Variants in IGSF21 observed in about 807,000 individuals in gnomAD.
IGSF21 encodes immunoglobin superfamily member 21, also known as immunoglobulin superfamily member 21.
Under a neutral mutation model 46.8 loss-of-function variants are expected in IGSF21, and 28 were observed. The ratio of observed to expected loss-of-function variants is 0.60; its 90% CI spans 0.44 to 0.82. The LOEUF (loss-of-function observed/expected upper bound fraction) is 0.82, where lower values mean the gene tolerates loss of function less well. Among genes scored for constraint, IGSF21 ranks in the 40% least tolerant of loss-of-function variants. The pLI, the probability that IGSF21 is intolerant of heterozygous loss-of-function variation, is 0.00. For synonymous variants in IGSF21, 284 were observed against 273.6 expected (o/e 1.04, Z -0.38); for missense variants, 624 against 665.5 (o/e 0.94, Z 0.69).
intron 2 of IGSF21, among the ~76,000 whole-genome samples, chr1:18,281,366 C>T (rs2085158639): frequency 6.6e-6 from 1 of 151,888 alleles, no homozygotes; most frequent in Admixed American, 6.6e-5. Context: ...TCGAGACCAG[C>T]CTGGCCAACA....
At chr1:18,308,072 C>T (rs911052655) in intron 3 of IGSF21, among the ~76,000 whole-genome samples, 2 of 152,178 alleles carry the variant, frequency 1.3e-5, no homozygotes, top group Non-Finnish European at 2.9e-5. Context: ...CTCTCTCTTC[C>T]ATGGTTTGGT....
intron 1 of IGSF21, among the ~76,000 whole-genome samples, chr1:18,225,855 G>T (rs2084561392): frequency 6.6e-6 from 1 of 152,238 alleles, no homozygotes; most frequent in South Asian, 2.1e-4. Flanking sequence ...GGCTGTAATA[G>T]CGTGGTGGTT....
At chr1:18,287,809 A>G (rs2124562075) in intron 2 of IGSF21, among the ~76,000 whole-genome samples, 1 of 151,844 alleles carries the variant, frequency 6.6e-6, no homozygotes, top group East Asian at 1.9e-4. Flanking sequence ...TATAGACACA[A>G]CCCAGCCTTC....
intron 2 of IGSF21, among the ~76,000 whole-genome samples, chr1:18,273,419 CCTTTCCTT>C (rs2085065008): frequency 1.4e-5 from 2 of 140,018 alleles, no homozygotes; most frequent in African/African-American, 5.5e-5. Flanking sequence ...CCTTTCTTTT[CCTTTCCTT>C]TCCTTTCTTT....
At chr1:18,273,462 C>CTCTCTCTTTCTTTCTTTCTTTCTTTCTT (rs767013694) in intron 2 of IGSF21, among the ~76,000 whole-genome samples, 1 of 61,954 alleles carries the variant, frequency 1.6e-5, no homozygotes, top group Non-Finnish European at 2.9e-5. Context: ...TTCTTTCTCT[C>CTCTCTCTTTCTTTCTTTCTTTCTTTCTT]TCTTTCTTTC....
At chr1:18,367,608 T>TTTTTTTTTTTTTG (rs2086180429) in intron 6 of IGSF21, among the ~76,000 whole-genome samples, 1 of 130,976 alleles carries the variant, frequency 7.6e-6, no homozygotes, top group Non-Finnish European at 1.7e-5. Context: ...TCTCTCTTTT[T>TTTTTTTTTTTTTG]TTTTTTTTTT....
At chr1:18,267,615 A>G (rs1450504086) in intron 2 of IGSF21, among the ~76,000 whole-genome samples, 1 of 152,222 alleles carries the variant, frequency 6.6e-6, no homozygotes, top group Non-Finnish European at 1.5e-5. Context: ...GCATGGAGGA[A>G]GCGGGAGAAG....
At chr1:18,345,191 C>G (rs1166762399) in intron 4 of IGSF21, among the ~76,000 whole-genome samples, 1 of 152,178 alleles carries the variant, frequency 6.6e-6, no homozygotes, top group Non-Finnish European at 1.5e-5. Context: ...CCAGCCCCTC[C>G]AAACTAGAAA....
intron 5 of IGSF21, among the ~76,000 whole-genome samples, chr1:18,363,167 C>T (rs143268790): frequency 1.1e-3 from 166 of 152,284 alleles, no homozygotes; most frequent in African/African-American, 3.5e-3. Context: ...GGCTACGTAC[C>T]CTTTCAATTT....
chr1:18,315,835 G>C (rs61760792), intron 3 of IGSF21, among the ~76,000 whole-genome samples: 1 of 65,580 alleles, frequency 1.5e-5, no homozygotes, highest in Admixed American at 1.6e-4. Context: ...GGCTAGATAG[G>C]TAGATGGGGG....
rs555659083 is a variant in IGSF21 at position 18,124,813 on chromosome 1, C to T, written c.70+16615C>T. 9.8e-5 allele frequency among the ~76,000 whole-genome samples: 15 copies of T among 152,338 alleles called. No homozygotes were observed. In the East Asian group the frequency reaches 2.5e-3, roughly 25 times the overall value. ...TAAAATTTAAAGGGCTTTACTTAAACAATGTTATTTCCCTCGGAAAGGAGA... is the reference window on the plus strand; with the variant it reads ...TAAAATTTAAAGGGCTTTACTTAAATAATGTTATTTCCCTCGGAAAGGAGA... On this transcript the variant is annotated intron_variant, in intron 1 of 9. Coordinates refer to ENST00000251296, the MANE Select transcript of IGSF21 (RefSeq NM_032880.5).
intron 1 of IGSF21, among the ~76,000 whole-genome samples, chr1:18,217,323 G>A (rs991212660): frequency 2.0e-5 from 3 of 152,228 alleles, no homozygotes; most frequent in Non-Finnish European, 4.4e-5. Flanking sequence ...GATGACCCAT[G>A]TTGCTTTTCA....
chr1:18,338,560 G>A (rs2085795610), intron 4 of IGSF21, among the ~76,000 whole-genome samples: 1 of 152,168 alleles, frequency 6.6e-6, no homozygotes, highest in African/African-American at 2.4e-5. Flanking sequence ...TCAAAGCACA[G>A]AGCAGTTCCA....
Position 18,318,699 on chromosome 1 carries a change from G to A in IGSF21, c.306-16193G>A, listed in dbSNP as rs573181468. On this transcript the variant is annotated intron_variant, in intron 3 of 9. Coordinates refer to ENST00000251296, the MANE Select transcript of IGSF21 (RefSeq NM_032880.5). ...CTCCTTTGGGGCCCTTTCCTCACCA[G>A]ACCTTGCTTACAAACCAGGGACTCA... 7.9e-5 allele frequency among the ~76,000 whole-genome samples: 12 copies of A among 152,184 alleles called. No homozygotes were observed. In the South Asian group the frequency reaches 1.9e-3, roughly 24 times the overall value.
chr1:18,233,002 C>A (rs1336711469), intron 2 of IGSF21, among the ~76,000 whole-genome samples: 1 of 152,156 alleles, frequency 6.6e-6, no homozygotes, highest in Non-Finnish European at 1.5e-5. Flanking sequence ...GGCCGCCTGC[C>A]CAGCAGGCAA....
rs2085747597 is a variant in IGSF21, at chr1:18,334,618, T to G, written c.306-274T>G. Among the ~76,000 whole-genome samples, 1 of 152,146 alleles carries G rather than the reference T, an allele frequency of 6.6e-6. No homozygotes were observed. Among genetic ancestry groups the G allele is most frequent in the South Asian group, 2.1e-4 (1 of 4,824 alleles). On this transcript the variant is annotated intron_variant, in intron 3 of 9. Transcript: ENST00000251296. The surrounding 1 kb of genome is among the most constrained non-coding windows in gnomAD (Gnocchi z 4.3). Reference sequence around the variant, plus strand: ...GGAAGTGGGCACCATCCCAGGCTCATGGAAGCCAACAGGCTAAATAACTGC... The same window carrying G: ...GGAAGTGGGCACCATCCCAGGCTCAGGGAAGCCAACAGGCTAAATAACTGC...
chr1:18,326,126 C>T (rs2085655766), intron 3 of IGSF21, among the ~76,000 whole-genome samples: 1 of 152,006 alleles, frequency 6.6e-6, no homozygotes, highest in African/African-American at 2.4e-5. Flanking sequence ...AGTGGCCAGA[C>T]ACTTTATCGC....
At chr1:18,245,930 G>C (rs1379788164) in intron 2 of IGSF21, among the ~76,000 whole-genome samples, 1 of 152,172 alleles carries the variant, frequency 6.6e-6, no homozygotes, top group Non-Finnish European at 1.5e-5. Context: ...CAAGGGGCAG[G>C]GGTAATTAAC....
At chr1:18,361,797 C>G (rs752302418) in intron 4 of IGSF21, 1 of 237,158 alleles carries the variant, frequency 4.2e-6, no homozygotes, top group Non-Finnish European at 8.2e-6. Context: ...CTCCCAGGCT[C>G]GGGCAGAGTC....
Sources: allele counts gnomAD v4.1 joint callset (sites outside exome capture counted in the v4.1 genomes callset), GRCh38; gene constraint gnomAD v4.1.1; non-coding constraint Gnocchi (gnomAD v3.1); transcripts MANE v1.5; gene names NCBI Gene and HGNC (gene_info 2026-07-23, HGNC 2026-07-21).